SMARCA4: variants seen among roughly 807,000 people sequenced by gnomAD.
SMARCA4 encodes the protein SWI/SNF-related matrix-associated actin-dependent regulator of chromatin subfamily A member 4.
In SMARCA4, 31 loss-of-function variants were observed where a neutral mutation model predicts 193.9. That is an observed-to-expected ratio of 0.16 (90% CI 0.12 to 0.22). The LOEUF (loss-of-function observed/expected upper bound fraction) is 0.22, where lower values mean the gene tolerates loss of function less well. Ranked by LOEUF, SMARCA4 falls within the 10% of genes least tolerant of loss-of-function variation. The pLI, the probability that SMARCA4 is intolerant of heterozygous loss-of-function variation, is 1.00. For synonymous variants in SMARCA4, 942 were observed against 933.1 expected, an observed-to-expected ratio of 1.01 and a Z score of -0.17; for missense variants, 1,148 against 2,296.0, an observed-to-expected ratio of 0.50 and a Z score of 10.22.
chr19:11,016,230 C>T (rs955191712), intron 16 of SMARCA4, among the ~76,000 whole-genome samples: 6 of 152,086 alleles, frequency 3.9e-5, no homozygotes, highest in African/African-American at 1.4e-4. Flanking sequence ...ATTCATCCCC[C>T]ATCCCCAGTA....
intron 8 of SMARCA4, among the ~76,000 whole-genome samples, chr19:10,992,020 T>C (rs1215684352): frequency 6.6e-6 from 1 of 152,206 alleles, no homozygotes; most frequent in Non-Finnish European, 1.5e-5. Context: ...GCTGATTTGG[T>C]CATTTATAGA....
rs150258405 is a variant in SMARCA4 at position 11,060,239 on chromosome 19, C to T, written c.4911+52C>T. 195 of 1,546,632 alleles carry T rather than the reference C, an allele frequency of 1.3e-4. No individual in the cohort carries two copies. In the African/African-American group the frequency reaches 2.2e-3, roughly 17 times the overall value. On this transcript the variant is annotated intron_variant, in intron 34 of 34. Transcript: ENST00000344626. ...AGCTGGCATGTGGCAGGAGGCATCC[C>T]GGGGCCCTGATGGGACAGCCCTGTG...
At position 11,041,583 on chromosome 19, in the gene SMARCA4, C is replaced by T. The variant is rs540903096; in HGVS notation, c.4424+23C>T. The T allele has an allele frequency of 3.3e-5, 53 of 1,607,986 alleles. No individual in the cohort carries two copies. Among genetic ancestry groups the T allele is most frequent in the African/African-American group, 2.1e-4 (16 of 74,982 alleles). On this transcript the variant is annotated intron_variant, in intron 30 of 34. Transcript: ENST00000344626. This position sits in a 1 kb window ranked among gnomAD's most constrained non-coding sequence, Gnocchi z 5.6. ...CAGGTAAGCGAGGAGGCGGGGAGGG[C>T]GGGGGCTGTAGGGGTCCCCGTGGGA...
At chr19:10,980,541 T>G (rs2085477849) in intron 1 of SMARCA4, among the ~76,000 whole-genome samples, 1 of 151,426 alleles carries the variant, frequency 6.6e-6, no homozygotes. Context: ...GGCTGAGGCA[T>G]GAGAATCGCT....
At chr19:11,039,169 C>T (rs1276224490) in intron 29 of SMARCA4, among the ~76,000 whole-genome samples, 2 of 152,150 alleles carry the variant, frequency 1.3e-5, no homozygotes, top group African/African-American at 2.4e-5. Flanking sequence ...GCCTGGCCAA[C>T]ATGGCAAAAA....
At chr19:11,035,463 A>G (rs1427416391) in intron 29 of SMARCA4, among the ~76,000 whole-genome samples, 2 of 152,240 alleles carry the variant, frequency 1.3e-5, no homozygotes, top group Admixed American at 6.5e-5. Flanking sequence ...TGGCTTTCCC[A>G]GTACCTGCCA....
At position 10,987,960 on chromosome 19, in the gene SMARCA4, T is replaced by G. The variant is rs1307816959; in HGVS notation, c.1118+36T>G. On this transcript the variant is annotated intron_variant, in intron 6 of 34. Coordinates refer to ENST00000344626, the MANE Select transcript of SMARCA4 (RefSeq NM_003072.5). The surrounding 1 kb of genome is among the most constrained non-coding windows in gnomAD (Gnocchi z 5.3). ...GGCCCAGTTGCCAAGGTCACTGCCC[T>G]GTGTCCCCCATGTCCCCCTGGGGAA... is the stretch of plus-strand genomic sequence containing the variant. The G allele has an allele frequency of 1.2e-6, 2 of 1,608,574 alleles. No homozygotes were observed. The highest frequency in any genetic ancestry group is 1.7e-6 in the Non-Finnish European group (2 of 1,178,130).
At chr19:10,995,068 C>A (rs2145946186) in intron 9 of SMARCA4, 67 bp downstream of exon 9, 1 of 1,431,408 alleles carries the variant, frequency 7.0e-7, no homozygotes, top group South Asian at 1.2e-5. Flanking sequence ...CTCCAGGGGT[C>A]ACTCCCCAGG....
At chr19:11,055,416 C>T (rs1411723691) in intron 30 of SMARCA4, among the ~76,000 whole-genome samples, 2 of 152,082 alleles carry the variant, frequency 1.3e-5, no homozygotes, top group Admixed American at 1.3e-4. Flanking sequence ...TCTTGAACTC[C>T]GGACTTCGTG....
rs750867213 is a variant in SMARCA4 at position 11,034,019 on chromosome 19, G to A, written c.3874-104G>A. ...GGTCCCCATCCACCGCAGCCGTGCC[G>A]GGACCACCAGCTCATTCCCACGGAC... On this transcript the variant is annotated intron_variant, in intron 27 of 34. Coordinates refer to ENST00000344626, the MANE Select transcript of SMARCA4 (RefSeq NM_003072.5). This position sits in a 1 kb window ranked among gnomAD's most constrained non-coding sequence, Gnocchi z 7.0. 3.1e-5 allele frequency: 27 copies of A among 873,410 alleles called. No individual in the cohort carries two copies. Among genetic ancestry groups the A allele is most frequent in the African/African-American group, 1.1e-4 (7 of 60,950 alleles). The allele number at this position is 873,410 out of a possible 1,614,324, so 54.1% of individuals were successfully genotyped here.
intron 12 of SMARCA4, 50 bp downstream of exon 12, chr19:11,003,209 G>A (rs2146102065): frequency 6.2e-7 from 1 of 1,613,086 alleles, no homozygotes; most frequent in Non-Finnish European, 8.5e-7. Flanking sequence ...AGTCCTCGGT[G>A]GGCCTTGTTC....
chr19:11,013,257 G>A, intron 16 of SMARCA4, 145 bp downstream of exon 16: 1 of 877,574 alleles, frequency 1.1e-6, no homozygotes, highest in Middle Eastern at 2.2e-4. Context: ...CCAGGGTCAA[G>A]GTGTAGCAGG....
rs1200699655 is a variant in SMARCA4, at chr19:10,994,986, C to T, written c.1578C>T (p.Arg526=). 3 of 1,612,626 alleles carry T rather than the reference C, an allele frequency of 1.9e-6. No individual in the cohort carries two copies. In the Admixed American group the frequency reaches 5.0e-5, roughly 27 times the overall value. Reference sequence around the variant, plus strand: ...AGAACGAGCGGATCGAGAAGGAGCGCATGCGGAGGCTCATGGTATGGTCCT... The same window carrying T: ...AGAACGAGCGGATCGAGAAGGAGCGTATGCGGAGGCTCATGGTATGGTCCT... ...KKENERIEKE[R]MRRLMAEDEE... is the part of the protein sequence containing the mutation. Residue 526 remains arginine (R), a synonymous_variant, in exon 9 of 35, where the codon CGC becomes CGT. Coordinates refer to ENST00000344626, the MANE Select transcript of SMARCA4 (RefSeq NM_003072.5).
At chr19:11,002,950 T>C in intron 11 of SMARCA4, 79 bp from the exon 12 acceptor site, 1 of 1,540,640 alleles carries the variant, frequency 6.5e-7, no homozygotes, top group Non-Finnish European at 9.0e-7. Context: ...GTTGAGTGGG[T>C]GCTTCCCACC....
Position 11,050,869 on chromosome 19 carries a change from T to C in SMARCA4, c.4425-7386T>C, listed in dbSNP as rs568076754. 2.7e-3 allele frequency among the ~76,000 whole-genome samples: 413 copies of C among 152,326 alleles called. 5 individuals carry two copies. Among genetic ancestry groups the C allele is most frequent in the South Asian group, 0.027 (131 of 4,834 alleles). ...TGGGGACAGGGGGGCTCCTCAGGGC[T>C]GTCTGGCCCTTGGCCTGTGGTTCCA... On this transcript the variant is annotated intron_variant, in intron 30 of 34. Coordinates refer to ENST00000344626, the MANE Select transcript of SMARCA4 (RefSeq NM_003072.5).
At chr19:10,962,795 G>T (rs1599764969) in intron 1 of SMARCA4, among the ~76,000 whole-genome samples, 1 of 151,234 alleles carries the variant, frequency 6.6e-6, no homozygotes, top group African/African-American at 2.4e-5. Context: ...CACCCACCTC[G>T]GCCTCCCAAA....
intron 1 of SMARCA4, among the ~76,000 whole-genome samples, chr19:10,963,307 A>G (rs1408973234): frequency 7.1e-6 from 1 of 140,180 alleles, no homozygotes; most frequent in African/African-American, 2.7e-5. Flanking sequence ...AGAGAGGTGG[A>G]GGCTGCAGTG....
In SMARCA4 at chr19:11,019,262, A is replaced by G; in HGVS notation, c.2505+239A>G. On this transcript the variant is annotated intron_variant, in intron 17 of 34. Transcript: ENST00000344626. The surrounding 1 kb of genome is among the most constrained non-coding windows in gnomAD (Gnocchi z 6.1). Reference sequence around the variant, plus strand: ...AGTGAGCATGGTGGCCAGCACTCAGAGGCCAGCTCAGGCGCCTGAGATGGG... The same window carrying G: ...AGTGAGCATGGTGGCCAGCACTCAGGGGCCAGCTCAGGCGCCTGAGATGGG... 1 of 620,890 alleles carries G rather than the reference A, an allele frequency of 1.6e-6. No individual in the cohort carries two copies. The highest frequency in any genetic ancestry group is 2.9e-6 in the Non-Finnish European group (1 of 344,764). The allele number at this position is 620,890 out of a possible 1,614,324, so 38.5% of individuals were successfully genotyped here. A position where few individuals can be genotyped will look rare whatever the true frequency, so the allele number is the denominator to read the frequency against.
At chr19:10,990,678 G>A (rs974247308) in intron 7 of SMARCA4, among the ~76,000 whole-genome samples, 1 of 152,208 alleles carries the variant, frequency 6.6e-6, no homozygotes, top group African/African-American at 2.4e-5. Context: ...CTCCCAAAGT[G>A]CTGGGATTAC....
Sources: allele counts gnomAD v4.1 joint callset (sites outside exome capture counted in the v4.1 genomes callset), GRCh38; gene constraint gnomAD v4.1.1; non-coding constraint Gnocchi (gnomAD v3.1); transcripts MANE v1.5; gene names NCBI Gene and HGNC (gene_info 2026-07-23, HGNC 2026-07-21).